PLCD3: variants seen among roughly 807,000 people sequenced by gnomAD.
The protein encoded by PLCD3 is phospholipase C delta 3, also known as 1-phosphatidylinositol 4,5-bisphosphate phosphodiesterase delta-3.
PLCD3 carries 62 observed loss-of-function variants against 82.8 expected under a neutral mutation model. The ratio of observed to expected loss-of-function variants is 0.75; its 90% CI spans 0.61 to 0.93. PLCD3 has a LOEUF of 0.93. Ranked by LOEUF, PLCD3 falls within the 40% of genes least tolerant of loss-of-function variation. The pLI, the probability that PLCD3 is intolerant of heterozygous loss-of-function variation, is 0.00. For missense variants in PLCD3, 1,023 were observed against 1,103.4 expected, an observed-to-expected ratio of 0.93 and a Z score of 1.03; for synonymous variants, 478 against 471.8, an observed-to-expected ratio of 1.01 and a Z score of -0.17.
Position 45,112,355 on chromosome 17 carries a change from G to A in PLCD3, c.*261C>T. ...CATAAGTCACAATGAGGGGTGGGCT[G>A]AGGACAAGAGGAGCTGGGGCCATCT... On this transcript the variant is annotated 3_prime_UTR_variant, in exon 15 of 15. Transcript: ENST00000619929. 3.9e-6 allele frequency: 2 copies of A among 518,216 alleles called. No individual in the cohort carries two copies. Among genetic ancestry groups the A allele is most frequent in the South Asian group, 4.3e-5 (2 of 47,002 alleles). The allele number at this position is 518,216 out of a possible 1,614,324, so 32.1% of individuals were successfully genotyped here.
chr17:45,121,254 C>A lies in PLCD3; in HGVS notation c.282G>T (p.Val94=), dbSNP rs767673054. 1.1e-5 allele frequency: 18 copies of A among 1,592,162 alleles called. No homozygotes were observed. In the South Asian group the frequency reaches 2.0e-4, roughly 18 times the overall value. ...CACGCGGGATGCGCCGCTGGAACCA[C>A]ACGCTCAGGCCGTCCTCCTGCAGCC... ...LYRLQEDGLS[V]WFQRRIPRAP... The change falls in exon 2 of 15, where the codon GTG becomes GTT. Residue 94 remains valine (V), a synonymous_variant. Transcript: ENST00000619929.
Position 45,118,879 on chromosome 17 carries a change from G to T in PLCD3, c.849C>A (p.Gly283=), listed in dbSNP as rs756790534. ...PELLEFLEDQ[G]EEGATLARAQ... is the part of the protein sequence containing the mutation. ...CGCGGGCCAGTGTGGCGCCCTCCTC[G>T]CCCTGGTCCTCCAGGAACTCCAGCA... is the stretch of plus-strand genomic sequence containing the variant. Residue 283 remains glycine (G), a synonymous_variant, in exon 5 of 15, where the codon GGC becomes GGA. Coordinates refer to ENST00000619929, the MANE Select transcript of PLCD3 (RefSeq NM_133373.5). The surrounding 1 kb of genome is among the most constrained non-coding windows in gnomAD (Gnocchi z 4.1). 2 of 1,612,098 alleles carry T rather than the reference G, an allele frequency of 1.2e-6. No individual in the cohort carries two copies. Among genetic ancestry groups the T allele is most frequent in the Non-Finnish European group, 8.5e-7 (1 of 1,179,846 alleles).
chr17:45,116,877 C>A (rs1208230384), intron 7 of PLCD3, 93 bp from the exon 8 acceptor site: 2 of 1,423,880 alleles, frequency 1.4e-6, no homozygotes, highest in Non-Finnish European at 1.8e-6. Flanking sequence ...GACAGGCAGG[C>A]AAAGGCAGGG....
At chr17:45,115,009 C>A in intron 10 of PLCD3, 85 bp downstream of exon 10, 1 of 1,506,812 alleles carries the variant, frequency 6.6e-7, no homozygotes, top group South Asian at 1.3e-5. Flanking sequence ...TACTGTCCCC[C>A]AAAGCCCCCT....
At chr17:45,128,649 G>T (rs1269878886) in intron 1 of PLCD3, among the ~76,000 whole-genome samples, 2 of 152,248 alleles carry the variant, frequency 1.3e-5, no homozygotes, top group Non-Finnish European at 2.9e-5. Flanking sequence ...CCCATGGGGA[G>T]GATGAGGGGC....
intron 1 of PLCD3, among the ~76,000 whole-genome samples, chr17:45,124,181 G>A (rs1213700404): frequency 6.6e-6 from 1 of 152,216 alleles, no homozygotes; most frequent in Non-Finnish European, 1.5e-5. Context: ...CATGGGTGTG[G>A]GGGAGATGAG....
chr17:45,114,346 T>C lies in PLCD3; in HGVS notation c.1732A>G (p.Asn578Asp), dbSNP rs1200568100. 3.2e-6 allele frequency: 5 copies of C among 1,548,482 alleles called. No individual in the cohort carries two copies. Among genetic ancestry groups the C allele is most frequent in the Non-Finnish European group, 4.4e-6 (5 of 1,145,864 alleles). ...REAGNSFVRH[N>D]ARQLTRVYPL... ...TACACGCGGGTCAGCTGGCGGGCATTGTGCCTGACAAAGCTGTTCCCTGGG... is the reference window on the plus strand; with the variant it reads ...TACACGCGGGTCAGCTGGCGGGCATCGTGCCTGACAAAGCTGTTCCCTGGG... The change falls in exon 11 of 15, where the codon AAT becomes GAT. Residue 578 changes from asparagine to aspartate, a missense_variant. Physicochemically the swap from Asn to Asp is conservative, Grantham distance 23. Around this residue, in one of 3 missense-constraint regions of PLCD3, gnomAD observed 553 missense variants for 655.7 expected, o/e 0.84. Transcript: ENST00000619929.
In PLCD3 at chr17:45,115,416, C is replaced by G; in HGVS notation, c.1488G>C (p.Ser496=). ...CATCCTCCTCCTCCTCCTCCCGATC[C>G]GACAGAGCCCGGCCATCCTCGCTCC... ...AARSEDGRAL[S]DREEEEEDDE... Residue 496 remains serine (S), a synonymous_variant, in exon 9 of 15, where the codon TCG becomes TCC. Transcript: ENST00000619929. 6.2e-7 allele frequency: 1 copy of G among 1,611,742 alleles called. No homozygotes were observed. Among genetic ancestry groups the G allele is most frequent in the Non-Finnish European group, 8.5e-7 (1 of 1,179,374 alleles).
chr17:45,115,313 C>CA, intron 9 of PLCD3, 31 bp downstream of exon 9: 1 of 1,514,508 alleles, frequency 6.6e-7, no homozygotes, highest in Admixed American at 2.1e-5. Context: ...ACCTTCCCCC[C>CA]CTTCCCCACC....
chr17:45,113,919 C>T (rs143592502), intron 11 of PLCD3, among the ~76,000 whole-genome samples: 191 of 152,280 alleles, frequency 1.3e-3, no homozygotes, highest in African/African-American at 4.4e-3. Context: ...GGAGACGATA[C>T]AGCCCTCCTT....
chr17:45,118,338 C>G lies in PLCD3; in HGVS notation c.1068G>C (p.Leu356=). 1 of 1,614,010 alleles carries G rather than the reference C, an allele frequency of 6.2e-7. No homozygotes were observed. Among genetic ancestry groups the G allele is most frequent in the Non-Finnish European group, 8.5e-7 (1 of 1,179,890 alleles). The change falls in exon 6 of 15, where the codon CTG becomes CTC. Residue 356 remains leucine (L), a synonymous_variant. Transcript: ENST00000619929. The surrounding 1 kb of genome is among the most constrained non-coding windows in gnomAD (Gnocchi z 4.1). ...YFISSSHNTY[L]TDSQIGGPSS... ...TGGGCCCCCCGATCTGGGAGTCAGT[C>G]AGATAGGTGTTGTGGGAGGAAGAGA... is the stretch of plus-strand genomic sequence containing the variant.
rs1357445380 is a variant in PLCD3 at position 45,120,888 on chromosome 17, C to G, written c.554+14G>C. ...CCAAGGATGGGGCCCTCCCTCCCAG[C>G]CCCGGCAGGATATTGGTCTAGCCGC... On this transcript the variant is annotated intron_variant, in intron 3 of 14. Coordinates refer to ENST00000619929, the MANE Select transcript of PLCD3 (RefSeq NM_133373.5). The G allele has an allele frequency of 7.1e-7, 1 of 1,416,572 alleles. No individual in the cohort carries two copies. Among genetic ancestry groups the G allele is most frequent in the East Asian group, 2.7e-5 (1 of 36,382 alleles). The allele number at this position is 1,416,572 out of a possible 1,614,324, so 87.8% of individuals were successfully genotyped here. A position where few individuals can be genotyped will look rare whatever the true frequency, so the allele number is the denominator to read the frequency against.
At chr17:45,128,067 A>C (rs1023526782) in intron 1 of PLCD3, among the ~76,000 whole-genome samples, 3 of 151,924 alleles carry the variant, frequency 2.0e-5, no homozygotes, top group Non-Finnish European at 4.4e-5. Context: ...AGACCCTCCC[A>C]CCCTAATCCT....
At position 45,132,202 on chromosome 17, in the gene PLCD3, T is replaced by C; in HGVS notation, c.163+46A>G. ...CCTGGAGCGCCCCAGACTGGGCCTC[T>C]GGGAACGGTCCGCGCCCACCCCACC... On this transcript the variant is annotated intron_variant, in intron 1 of 14. Transcript: ENST00000619929. The surrounding 1 kb of genome is among the most constrained non-coding windows in gnomAD (Gnocchi z 4.6). 1 of 1,242,984 alleles carries C rather than the reference T, an allele frequency of 8.0e-7. No individual in the cohort carries two copies. The highest frequency in any genetic ancestry group is 1.0e-6 in the Non-Finnish European group (1 of 992,930). 77.0% of individuals were successfully genotyped at this position (1,242,984 alleles called of 1,614,324 possible).
Position 45,132,330 on chromosome 17 carries a change from C to T in PLCD3, c.81G>A (p.Ala27=). Residue 27 remains alanine (A), a synonymous_variant, in exon 1 of 15, where the codon GCG becomes GCA. Transcript: ENST00000619929. The surrounding 1 kb of genome is among the most constrained non-coding windows in gnomAD (Gnocchi z 4.6). ...GCGGGGACGGGAGAGCGACCGGCGC[C>T]GCGACTTGGGCTGCGACCTGGGCGG... is the stretch of plus-strand genomic sequence containing the variant. ...PVAAQVAAQV[A]APVALPSPPT... The T allele has an allele frequency of 8.1e-7, 1 of 1,237,980 alleles. No homozygotes were observed. Among genetic ancestry groups the T allele is most frequent in the Non-Finnish European group, 1.0e-6 (1 of 990,340 alleles). 76.7% of individuals were successfully genotyped at this position (1,237,980 alleles called of 1,614,324 possible). A position where few individuals can be genotyped will look rare whatever the true frequency, so the allele number is the denominator to read the frequency against.
chr17:45,125,522 G>A (rs566475054), intron 1 of PLCD3, among the ~76,000 whole-genome samples: 66 of 152,378 alleles, frequency 4.3e-4, no homozygotes, highest in African/African-American at 1.5e-3. Context: ...CTTGAACCCG[G>A]AAGGCAGAGG....
Position 45,112,507 on chromosome 17 carries a change from G to A in PLCD3, c.*109C>T, listed in dbSNP as rs921417336. The A allele has an allele frequency of 6.5e-6, 8 of 1,229,622 alleles. No homozygotes were observed. The Admixed American group carries it at 1.6e-4, about 25-fold the overall frequency. 76.2% of individuals were successfully genotyped at this position (1,229,622 alleles called of 1,614,324 possible). The stretch of plus-strand genomic sequence containing the variant: ...GTGAATGGGCTGAGTGGGCCAAGTG[G>A]GTGGGCTGGGGGGCTGGTACTCCCA... On this transcript the variant is annotated 3_prime_UTR_variant, in exon 15 of 15. Transcript: ENST00000619929.
chr17:45,131,172 G>A (rs546831754), intron 1 of PLCD3, among the ~76,000 whole-genome samples: 82 of 152,346 alleles, frequency 5.4e-4, no homozygotes, highest in African/African-American at 2.0e-3. Flanking sequence ...CCCAGACATA[G>A]TCAGCGCTCA....
intron 7 of PLCD3, 148 bp from the exon 8 acceptor site, chr17:45,116,932 G>A: frequency 1.0e-6 from 1 of 1,001,906 alleles, no homozygotes; most frequent in South Asian, 2.4e-5. Context: ...GGAGGCTGAG[G>A]GCGGCTGCAG....
Sources: allele counts gnomAD v4.1 joint callset (sites outside exome capture counted in the v4.1 genomes callset), GRCh38; gene constraint gnomAD v4.1.1; regional missense constraint gnomAD v4.1.1; non-coding constraint Gnocchi (gnomAD v3.1); transcripts MANE v1.5; gene names NCBI Gene and HGNC (gene_info 2026-07-23, HGNC 2026-07-21).